Variants in CFAP47 observed in about 807,000 individuals in gnomAD.
CFAP47 encodes the protein cilia and flagella associated protein 47, also known as cilia- and flagella-associated protein 47.
Under a neutral mutation model 148.1 loss-of-function variants are expected in CFAP47, and 29 were observed. That is an observed-to-expected ratio of 0.20 (90% CI 0.15 to 0.27). The LOEUF is 0.27. Among genes scored for constraint, CFAP47 ranks in the 10% least tolerant of loss-of-function variants. CFAP47 has a pLI of 1.00. For missense variants in CFAP47, 1,872 were observed against 1,697.5 expected, an observed-to-expected ratio of 1.10 and a Z score of -1.81; for synonymous variants, 664 against 577.3, an observed-to-expected ratio of 1.15 and a Z score of -2.15.
intron 16 of CFAP47, among the ~76,000 whole-genome samples, chrX:35,990,518 G>A (rs1936776576): frequency 1.8e-5 from 2 of 111,166 alleles, no homozygotes; most frequent in Non-Finnish European, 3.8e-5. Context: ...CCCATTTTTC[G>A]ATAAGCAAAG....
intron 61 of CFAP47, among the ~76,000 whole-genome samples, chrX:36,364,373 A>T (rs1941853115): frequency 9.1e-6 from 1 of 110,029 alleles, no homozygotes; most frequent in African/African-American, 3.3e-5. Context: ...GGAGTGTATC[A>T]TCTAGTGAAA....
rs1280625106 is a variant in CFAP47 at position 36,071,872 on chromosome X, T to C, written c.4366T>C (p.Tyr1456His). 1.7e-6 allele frequency: 2 copies of C among 1,205,156 alleles called. No individual in the cohort carries two copies. Among genetic ancestry groups the C allele is most frequent in the Admixed American group, 4.4e-5 (2 of 45,801 alleles). Residue 1456 changes from tyrosine to histidine, a missense_variant, in exon 28 of 64, where the codon TAC becomes CAC. Physicochemically the swap from Tyr to His is moderately conservative, Grantham distance 83. Coordinates refer to ENST00000378653, the MANE Select transcript of CFAP47 (RefSeq NM_001304548.2). ...KKTRDGVLPP[Y>H]QDAKPPSPAS... Reference sequence around the variant, plus strand: ...GACTAGAGATGGTGTTTTGCCTCCCTACCAGGATGCTAAACCACCCTCTCC... The same window carrying C: ...GACTAGAGATGGTGTTTTGCCTCCCCACCAGGATGCTAAACCACCCTCTCC...
intron 35 of CFAP47, among the ~76,000 whole-genome samples, chrX:36,139,247 A>G (rs185537079): frequency 8.1e-4 from 91 of 111,665 alleles, no homozygotes; most frequent in African/African-American, 2.7e-3. Context: ...TGGAAGGGTG[A>G]ATTGGATTTG....
chrX:36,045,576 A>G (rs1220609198), intron 25 of CFAP47, among the ~76,000 whole-genome samples: 2 of 111,344 alleles, frequency 1.8e-5, no homozygotes, highest in Admixed American at 9.6e-5. Flanking sequence ...TACAGACTCC[A>G]TGGGGCTCGC....
rs866213383 is a variant in CFAP47, at chrX:36,029,363, G to A, written c.3557-1890G>A. Among the ~76,000 whole-genome samples the A allele has an allele frequency of 2.7e-5, 3 of 110,479 alleles. No individual in the cohort carries two copies. In the South Asian group the frequency reaches 1.1e-3, roughly 41 times the overall value. On this transcript the variant is annotated intron_variant, in intron 22 of 63. Transcript: ENST00000378653. ...TTTCTTTTTGTTAATCCTTTTTGTT[G>A]TTTTTTAGTTTCTATTTCATTTAGC...
rs782088280 is a variant in CFAP47 at position 36,375,060 on chromosome X, A to G, written c.9186-4290A>G. On this transcript the variant is annotated intron_variant, in intron 62 of 63. Coordinates refer to ENST00000378653, the MANE Select transcript of CFAP47 (RefSeq NM_001304548.2). The stretch of plus-strand genomic sequence containing the variant: ...AAATTTGCCAGTGTAACCACACTTC[A>G]TCATCACACTGAGAAGCTGGATGAT... 217 of 429,261 alleles carry G rather than the reference A, an allele frequency of 5.1e-4. No homozygotes were observed. In the South Asian group the frequency reaches 5.5e-3, roughly 11 times the overall value. The allele number at this position is 429,261 out of a possible 1,213,427, so 35.4% of individuals were successfully genotyped here.
intron 1 of CFAP47, among the ~76,000 whole-genome samples, chrX:35,921,338 A>G (rs1001021429): frequency 2.7e-5 from 3 of 112,483 alleles, no homozygotes; most frequent in Non-Finnish European, 5.6e-5. Flanking sequence ...TCAAGAGACT[A>G]TTAACTCCTC....
intron 62 of CFAP47, among the ~76,000 whole-genome samples, chrX:36,370,095 G>T (rs1941915619): frequency 9.0e-6 from 1 of 111,460 alleles, no homozygotes; most frequent in Admixed American, 9.6e-5. Flanking sequence ...TCTCTTCATG[G>T]TTTATTTTCT....
At chrX:36,282,138 A>G (rs1941085526) in intron 50 of CFAP47, among the ~76,000 whole-genome samples, 1 of 111,324 alleles carries the variant, frequency 9.0e-6, no homozygotes, top group Non-Finnish European at 1.9e-5. Flanking sequence ...AGATATTTAC[A>G]TAGCAATATC....
At chrX:35,976,977 T>C (rs1451214543) in intron 15 of CFAP47, among the ~76,000 whole-genome samples, 1 of 111,823 alleles carries the variant, frequency 8.9e-6, no homozygotes, top group Non-Finnish European at 1.9e-5. Context: ...CTGTGACTTA[T>C]TTAGTAGCCT....
intron 21 of CFAP47, among the ~76,000 whole-genome samples, chrX:36,003,486 C>T (rs1433646628): frequency 1.1e-4 from 12 of 109,068 alleles, no homozygotes; most frequent in Non-Finnish European, 2.3e-4. Context: ...GGTGTCTCCA[C>T]TTCTATTTTG....
At chrX:36,030,184 G>A (rs1937264776) in intron 22 of CFAP47, among the ~76,000 whole-genome samples, 1 of 110,763 alleles carries the variant, frequency 9.0e-6, no homozygotes, top group Non-Finnish European at 1.9e-5. Flanking sequence ...ATTTTAGGAA[G>A]TATGTCTGGG....
At chrX:36,024,264 T>G (rs939208340) in intron 22 of CFAP47, among the ~76,000 whole-genome samples, 2 of 111,911 alleles carry the variant, frequency 1.8e-5, no homozygotes, top group Non-Finnish European at 3.8e-5. Flanking sequence ...AAGGAGCTTA[T>G]GACCCTGACT....
At chrX:36,167,899 G>C (rs1430094452) in intron 39 of CFAP47, among the ~76,000 whole-genome samples, 1 of 111,217 alleles carries the variant, frequency 9.0e-6, no homozygotes, top group African/African-American at 3.3e-5. Flanking sequence ...GTGTTTTTTT[G>C]GGTTTCCTTG....
intron 33 of CFAP47, among the ~76,000 whole-genome samples, chrX:36,118,899 T>C (rs1351568108): frequency 8.9e-6 from 1 of 112,560 alleles, no homozygotes; most frequent in Non-Finnish European, 1.9e-5. Context: ...GTAGAAATGC[T>C]ACTGATTTGT....
intron 40 of CFAP47, among the ~76,000 whole-genome samples, chrX:36,181,987 A>G (rs886690161): frequency 1.8e-5 from 2 of 112,343 alleles, no homozygotes; most frequent in African/African-American, 6.5e-5. Flanking sequence ...TGTTTTTCTG[A>G]CAGTTCTAAA....
intron 2 of CFAP47, among the ~76,000 whole-genome samples, chrX:35,932,819 G>A (rs1330841815): frequency 9.1e-6 from 1 of 109,827 alleles, no homozygotes. Flanking sequence ...TAGAGATGAG[G>A]TTTCACCAGG....
intron 40 of CFAP47, among the ~76,000 whole-genome samples, chrX:36,185,587 A>G (rs946524870): frequency 1.8e-5 from 2 of 112,278 alleles, no homozygotes; most frequent in African/African-American, 6.5e-5. Flanking sequence ...TTCTAAACAC[A>G]TAAGATAAGA....
chrX:36,168,328 C>T (rs186172808), intron 39 of CFAP47, among the ~76,000 whole-genome samples: 1 of 111,391 alleles, frequency 9.0e-6, no homozygotes, highest in African/African-American at 3.3e-5. Flanking sequence ...GTTCCTTTTA[C>T]TTCATGATTT....
Sources: gnomAD v4.1 joint callset for allele counts (sites outside exome capture counted in the v4.1 genomes callset) on GRCh38, gnomAD v4.1.1 for gene constraint, MANE v1.5 for transcripts, NCBI Gene and HGNC (gene_info 2026-07-23, HGNC 2026-07-21) for gene names.